Variants in PLXDC2 observed in about 807,000 individuals in gnomAD.
PLXDC2 encodes plexin domain-containing protein 2.
In PLXDC2, 40 loss-of-function variants were observed where a neutral mutation model predicts 68.9. The observed-to-expected ratio is 0.58, with a 90% CI of 0.45 to 0.76. The LOEUF is 0.76. Ranked by LOEUF, PLXDC2 falls within the 30% of genes least tolerant of loss-of-function variation. The pLI is 0.00. For missense variants in PLXDC2, 644 were observed against 661.9 expected, an observed-to-expected ratio of 0.97 and a Z score of 0.30; for synonymous variants, 243 against 234.2, an observed-to-expected ratio of 1.04 and a Z score of -0.34.
Position 20,021,053 on chromosome 10 carries a change from A to G in PLXDC2, c.324+19067A>G, listed in dbSNP as rs187254008. ...TCCAGAACTATTTTTAAACGTCACTAAACAAAATATAGTATACAGTTAAGC... is the reference window on the plus strand; with the variant it reads ...TCCAGAACTATTTTTAAACGTCACTGAACAAAATATAGTATACAGTTAAGC... On this transcript the variant is annotated intron_variant, in intron 2 of 13. Coordinates refer to ENST00000377252, the MANE Select transcript of PLXDC2 (RefSeq NM_032812.9). Among the ~76,000 whole-genome samples, 222 of 152,326 alleles carry G rather than the reference A, an allele frequency of 1.5e-3. 1 individual carries two copies. Among genetic ancestry groups the G allele is most frequent in the Admixed American group, 3.9e-3 (59 of 15,304 alleles).
intron 12 of PLXDC2, among the ~76,000 whole-genome samples, chr10:20,240,908 T>C (rs1835506920): frequency 6.6e-6 from 1 of 152,198 alleles, no homozygotes; most frequent in Non-Finnish European, 1.5e-5. Flanking sequence ...AATGACTTGC[T>C]CTGTTAGAAC....
At chr10:20,106,486 T>G (rs2131744097) in intron 4 of PLXDC2, among the ~76,000 whole-genome samples, 1 of 152,286 alleles carries the variant, frequency 6.6e-6, no homozygotes, top group East Asian at 1.9e-4. Context: ...GTGATATCCC[T>G]TGAGATGGTC....
chr10:20,109,720 A>G (rs956699076), intron 4 of PLXDC2, among the ~76,000 whole-genome samples: 4 of 152,226 alleles, frequency 2.6e-5, no homozygotes, highest in African/African-American at 4.8e-5. Context: ...TATAATTAGA[A>G]AACGATCCCC....
chr10:19,966,315 A>G (rs1336273815), intron 1 of PLXDC2, among the ~76,000 whole-genome samples: 3 of 147,758 alleles, frequency 2.0e-5, no homozygotes, highest in African/African-American at 2.5e-5. Flanking sequence ...CAGCCATTTT[A>G]TTTTATATAT....
chr10:20,195,323 A>T (rs1031587894), intron 9 of PLXDC2, among the ~76,000 whole-genome samples: 3 of 152,102 alleles, frequency 2.0e-5, no homozygotes, highest in Non-Finnish European at 2.9e-5. Flanking sequence ...TCCTGGTTAG[A>T]AAATGCTAAC....
At position 20,177,073 on chromosome 10, in the gene PLXDC2, G is replaced by A. The variant is rs1361780925; in HGVS notation, c.958G>A (p.Val320Met). 3 of 1,610,134 alleles carry A rather than the reference G, an allele frequency of 1.9e-6. No homozygotes were observed. The highest frequency in any genetic ancestry group is 2.5e-6 in the Non-Finnish European group (3 of 1,177,306). ...QMSKITNISA[V>M]EMTPLPTCLQ... ...GTCAAAAATTACCAACATTTCGGCT[G>A]TGGAGATGACCCCATTACCCAGTAA... The change falls in exon 8 of 14, where the codon GTG (valine) becomes ATG (methionine). Residue 320 changes from valine to methionine, a missense_variant. Val to Met is a conservative substitution (Grantham distance 21). Transcript: ENST00000377252.
intron 13 of PLXDC2, among the ~76,000 whole-genome samples, chr10:20,272,148 T>C (rs186357908): frequency 1.2e-4 from 18 of 152,210 alleles, no homozygotes; most frequent in African/African-American, 4.1e-4. Flanking sequence ...TTAAAAAGAT[T>C]TGGGAACACT....
chr10:20,274,802 C>T (rs1835984330), intron 13 of PLXDC2, among the ~76,000 whole-genome samples: 1 of 151,752 alleles, frequency 6.6e-6, no homozygotes, highest in Admixed American at 6.6e-5. Context: ...GGACCCAAAA[C>T]CACTGTGTTT....
chr10:20,158,783 C>T (rs2131808731), intron 6 of PLXDC2, among the ~76,000 whole-genome samples: 1 of 152,170 alleles, frequency 6.6e-6, no homozygotes, highest in South Asian at 2.1e-4. Flanking sequence ...GCAGACTGGT[C>T]TCATGATAGG....
chr10:19,852,559 T>A (rs1014842287), intron 1 of PLXDC2, among the ~76,000 whole-genome samples: 1 of 147,722 alleles, frequency 6.8e-6, no homozygotes, highest in African/African-American at 2.5e-5. Flanking sequence ...GAAATACAAA[T>A]GGATTCTAGA....
intron 1 of PLXDC2, among the ~76,000 whole-genome samples, chr10:19,861,774 A>G (rs1352559190): frequency 6.6e-6 from 1 of 152,190 alleles, no homozygotes; most frequent in Non-Finnish European, 1.5e-5. Context: ...GTTGGAGCAC[A>G]TCTTTTATAA....
At chr10:20,238,930 A>G (rs1341636813) in intron 12 of PLXDC2, among the ~76,000 whole-genome samples, 1 of 151,740 alleles carries the variant, frequency 6.6e-6, no homozygotes, top group African/African-American at 2.4e-5. Flanking sequence ...TATCTTGGAT[A>G]CTATTGATTT....
At position 20,287,030 on chromosome 10, in the gene PLXDC2, T is replaced by C. The variant is rs1199683089; in HGVS notation, c.*7211T>C. Reference sequence around the variant, plus strand: ...TGAGCCACCGTGCCTGGCCGAGTTATTAACTTCTTAAGAGCAATGTGCTAA... The same window carrying C: ...TGAGCCACCGTGCCTGGCCGAGTTACTAACTTCTTAAGAGCAATGTGCTAA... On this transcript the variant is annotated 3_prime_UTR_variant, in exon 14 of 14. Transcript: ENST00000377252. The C allele has an allele frequency of 6.6e-6, 1 of 152,238 alleles. No homozygotes were observed. The highest frequency in any genetic ancestry group is 6.5e-5 in the Admixed American group (1 of 15,276). The allele number at this position is 152,238 out of a possible 1,614,324, so 9.4% of individuals were successfully genotyped here.
At chr10:20,057,830 G>T (rs757536157) in intron 3 of PLXDC2, among the ~76,000 whole-genome samples, 2 of 151,810 alleles carry the variant, frequency 1.3e-5, no homozygotes, top group African/African-American at 4.8e-5. Flanking sequence ...AGCAACTCTC[G>T]GACGCTGTGT....
At chr10:20,008,899 T>A (rs1835067820) in intron 2 of PLXDC2, among the ~76,000 whole-genome samples, 1 of 152,230 alleles carries the variant, frequency 6.6e-6, no homozygotes, top group East Asian at 1.9e-4. Flanking sequence ...CTTCACCTTC[T>A]GCCGTGATTG....
chr10:20,239,270 T>C (rs1835482157), intron 12 of PLXDC2, among the ~76,000 whole-genome samples: 1 of 152,190 alleles, frequency 6.6e-6, no homozygotes, highest in African/African-American at 2.4e-5. Context: ...TAAGACTAGA[T>C]TCCTTCTCAC....
chr10:19,933,215 T>A (rs564924226), intron 1 of PLXDC2, among the ~76,000 whole-genome samples: 1 of 152,234 alleles, frequency 6.6e-6, no homozygotes, highest in African/African-American at 2.4e-5. Flanking sequence ...TTCCTCTTTT[T>A]CTTAAAGACA....
intron 6 of PLXDC2, among the ~76,000 whole-genome samples, chr10:20,149,970 A>C (rs935840169): frequency 5.9e-5 from 9 of 152,288 alleles, no homozygotes; most frequent in African/African-American, 2.2e-4. Flanking sequence ...GATTCACAGA[A>C]AATGATGCAG....
chr10:20,184,195 T>C (rs1363889395), intron 9 of PLXDC2, among the ~76,000 whole-genome samples: 2 of 151,766 alleles, frequency 1.3e-5, no homozygotes, highest in Non-Finnish European at 2.9e-5. Context: ...TCCCTGAGTG[T>C]ACTCTGGAAC....
Sources: gnomAD v4.1 joint callset for allele counts (sites outside exome capture counted in the v4.1 genomes callset) on GRCh38, gnomAD v4.1.1 for gene constraint, MANE v1.5 for transcripts, NCBI Gene and HGNC (gene_info 2026-07-23, HGNC 2026-07-21) for gene names.